Variants in TMPO observed in about 807,000 individuals in gnomAD.
The protein encoded by TMPO is thymopoietin.
A neutral mutation model predicts 45.4 loss-of-function variants in TMPO; 22 were observed. That is an observed-to-expected ratio of 0.48 (90% CI 0.35 to 0.69). The LOEUF (loss-of-function observed/expected upper bound fraction) is 0.69. TMPO is among the 30% of genes least tolerant of loss of function. The pLI is 0.01. For synonymous variants in TMPO, 241 were observed against 204.1 expected, an observed-to-expected ratio of 1.18 and a Z score of -1.54; for missense variants, 512 against 548.8, an observed-to-expected ratio of 0.93 and a Z score of 0.67.
In TMPO at chr12:98,542,776, T is replaced by G. The variant is rs1268461839; in HGVS notation, c.664-1454T>G. 2.0e-5 allele frequency among the ~76,000 whole-genome samples: 3 copies of G among 152,320 alleles called. No individual in the cohort carries two copies. The East Asian group carries it at 5.8e-4, about 29-fold the overall frequency. ...AGGAGGGTGAGGCAGGAGAATCACT[T>G]GAACCTCGCAGGTGGAGGTTGCGGT... On this transcript the variant is annotated intron_variant, in intron 4 of 8. Coordinates refer to ENST00000556029, the MANE Select transcript of TMPO (RefSeq NM_001032283.3).
At chr12:98,535,177 C>T (rs1039558119) in intron 3 of TMPO, 1 of 985,030 alleles carries the variant, frequency 1.0e-6, no homozygotes, top group African/African-American at 1.7e-5. Flanking sequence ...TCTATTTTGT[C>T]AGATAATGGG....
intron 4 of TMPO, among the ~76,000 whole-genome samples, chr12:98,541,990 G>C (rs1403513586): frequency 6.6e-6 from 1 of 152,082 alleles, no homozygotes; most frequent in East Asian, 1.9e-4. Flanking sequence ...CATTTTATGT[G>C]TTGCATTTTA....
intron 1 of TMPO, among the ~76,000 whole-genome samples, chr12:98,522,361 C>A (rs931239377): frequency 1.3e-5 from 2 of 152,112 alleles, no homozygotes; most frequent in Non-Finnish European, 2.9e-5. Context: ...TGGAAAAGAA[C>A]ATAAAAGCAT....
intron 1 of TMPO, among the ~76,000 whole-genome samples, chr12:98,518,055 G>A (rs1876015819): frequency 6.6e-6 from 1 of 150,552 alleles, no homozygotes; most frequent in Non-Finnish European, 1.5e-5. Context: ...CGAGGCAGGA[G>A]AATCGCTTGA....
At chr12:98,525,953 G>A (rs1876734956) in intron 1 of TMPO, among the ~76,000 whole-genome samples, 1 of 151,668 alleles carries the variant, frequency 6.6e-6, no homozygotes, top group African/African-American at 2.4e-5. Flanking sequence ...CCATTTTTTT[G>A]TTCAGTACTC....
chr12:98,516,051 C>T lies in TMPO; in HGVS notation c.184C>T (p.Pro62Ser), dbSNP rs1180938790. Reference protein sequence around the residue: ...PLPAGTNSKGPPDFSSDEERE... With the variant: ...PLPAGTNSKGSPDFSSDEERE... ...CCCCGCCGGCACCAACAGCAAGGGG[C>T]CCCCGGACTTCTCCAGTGACGAAGA... Residue 62 changes from proline (P) to serine (S), a missense_variant, in exon 1 of 9, where the codon CCC becomes TCC. Around this residue, in one of 3 missense-constraint regions of TMPO, gnomAD observed 299 missense variants for 296.7 expected, o/e 1.01. Coordinates refer to ENST00000556029, the MANE Select transcript of TMPO (RefSeq NM_001032283.3). The T allele has an allele frequency of 2.5e-6, 4 of 1,610,524 alleles. No homozygotes were observed. Among genetic ancestry groups the T allele is most frequent in the East Asian group, 2.2e-5 (1 of 44,824 alleles).
At chr12:98,519,929 G>C (rs1592930080) in intron 1 of TMPO, among the ~76,000 whole-genome samples, 1 of 151,756 alleles carries the variant, frequency 6.6e-6, no homozygotes, top group East Asian at 1.9e-4. Context: ...ATAATACCAG[G>C]TCATATTTCT....
At position 98,537,498 on chromosome 12, in the gene TMPO, G is replaced by C. The variant is rs1179663718; in HGVS notation, c.589G>C (p.Glu197Gln). The part of the protein sequence containing the change: ...EEDSKIELKL[E>Q]KREPLKGRAK... ...AGACTCTAAAATAGAGCTCAAGCTT[G>C]AGAAGAGAGAACCACTAAAGGGCAG... The change falls in exon 4 of 9, where the codon GAG (glutamate) becomes CAG (glutamine). Residue 197 changes from glutamate (E) to glutamine (Q), a missense_variant. Physicochemically the swap from Glu to Gln is conservative, Grantham distance 29. This residue lies in a region of TMPO where 299 missense variants were observed against 296.7 expected (regional missense o/e 1.01). Transcript: ENST00000556029. 3 of 1,613,504 alleles carry C rather than the reference G, an allele frequency of 1.9e-6. No homozygotes were observed. Among genetic ancestry groups the C allele is most frequent in the South Asian group, 1.1e-5 (1 of 91,032 alleles).
intron 4 of TMPO, 84 bp from the exon 5 acceptor site, chr12:98,544,146 A>G: frequency 6.7e-7 from 1 of 1,489,302 alleles, no homozygotes; most frequent in Non-Finnish European, 9.3e-7. Context: ...CTTCTATTTC[A>G]TGGCTTCTCA....
At position 98,532,697 on chromosome 12, in the gene TMPO, G is replaced by A; in HGVS notation, c.565+859G>A. ...TTTGTCTACCAGGGCAAATCTGGCA[G>A]ATTAGTTCAGAATATGAAATTATAG... On this transcript the variant is annotated intron_variant, in intron 3 of 8. Coordinates refer to ENST00000556029, the MANE Select transcript of TMPO (RefSeq NM_001032283.3). The A allele has an allele frequency of 2.9e-6, 4 of 1,401,284 alleles. No homozygotes were observed. In the South Asian group the frequency reaches 4.9e-5, roughly 17 times the overall value. 86.8% of individuals were successfully genotyped at this position (1,401,284 alleles called of 1,614,324 possible).
rs966634183 is a variant in TMPO at position 98,546,341 on chromosome 12, T to C, written c.991-18T>C. 6.5e-7 allele frequency: 1 copy of C among 1,540,700 alleles called. No individual in the cohort carries two copies. The highest frequency in any genetic ancestry group is 1.8e-4 in the Middle Eastern group (1 of 5,604). On this transcript the variant is annotated intron_variant, in intron 7 of 8. Transcript: ENST00000556029. The stretch of plus-strand genomic sequence containing the variant: ...TAAATTTTAACTTGTGGTTGTTTGT[T>C]TGTCTGTTTCTTATTAGGTGGGAGA...
At chr12:98,546,476 G>GAATACACTAGTACT in intron 8 of TMPO, 29 bp downstream of exon 8, 7 of 1,362,598 alleles carry the variant, frequency 5.1e-6, no homozygotes, top group South Asian at 1.2e-5. Context: ...ACAAGTACTA[G>GAATACACTAGTACT]TGTATTCTAG....
intron 2 of TMPO, among the ~76,000 whole-genome samples, chr12:98,531,057 G>A (rs924479642): frequency 6.6e-6 from 1 of 152,010 alleles, no homozygotes; most frequent in African/African-American, 2.4e-5. Flanking sequence ...TCCTGCCTCA[G>A]CTTCCTGAGT....
At chr12:98,533,505 G>GT in intron 3 of TMPO, 1 of 1,614,164 alleles carries the variant, frequency 6.2e-7, no homozygotes, top group Middle Eastern at 1.6e-4. Context: ...ATCAGTCTAA[G>GT]TTTCAAGAAA....
intron 1 of TMPO, among the ~76,000 whole-genome samples, chr12:98,527,186 A>C (rs573586000): frequency 6.6e-6 from 1 of 152,092 alleles, no homozygotes; most frequent in African/African-American, 2.4e-5. Flanking sequence ...TATATGCTTT[A>C]AGAAATGAAA....
intron 1 of TMPO, chr12:98,516,540 C>T (rs1875844068): frequency 9.7e-7 from 1 of 1,029,550 alleles, no homozygotes; most frequent in Non-Finnish European, 1.2e-6. Flanking sequence ...CGTTTTCCCG[C>T]TTTATTAACT....
At chr12:98,537,660 C>A in intron 4 of TMPO, 88 bp downstream of exon 4, 1 of 961,408 alleles carries the variant, frequency 1.0e-6, no homozygotes, top group Non-Finnish European at 1.6e-6. Context: ...TGGTTGACAC[C>A]CAGATTCCAG....
rs34340378 is a variant in TMPO at position 98,544,638 on chromosome 12, G to GT, written c.879+113dup. 298,126 of 740,446 alleles carry GT rather than the reference G, an allele frequency of 0.4. 25,766 individuals are homozygous for GT. The highest frequency in any genetic ancestry group is 0.52 in the African/African-American group (28,059 of 54,296). The allele number at this position is 740,446 out of a possible 1,614,324, so 45.9% of individuals were successfully genotyped here. ...ATTTTGGCAAATCTCAAATTTACATGTTTTTTTTTTTTAACAATTTTAAAC... is the reference window on the plus strand; with the variant it reads ...ATTTTGGCAAATCTCAAATTTACATGTTTTTTTTTTTTTAACAATTTTAAAC... On this transcript the variant is annotated intron_variant, in intron 6 of 8. Coordinates refer to ENST00000556029, the MANE Select transcript of TMPO (RefSeq NM_001032283.3).
intron 7 of TMPO, 47 bp downstream of exon 7, chr12:98,545,108 A>T: frequency 4.9e-6 from 6 of 1,226,588 alleles, no homozygotes; most frequent in Non-Finnish European, 7.1e-6. Context: ...TCTTTCAAAG[A>T]GGAAATATAA....
Sources: gnomAD v4.1 joint callset for allele counts (sites outside exome capture counted in the v4.1 genomes callset) on GRCh38, gnomAD v4.1.1 for gene constraint, gnomAD v4.1.1 regional missense constraint, MANE v1.5 for transcripts, NCBI Gene and HGNC (gene_info 2026-07-23, HGNC 2026-07-21) for gene names.